CUEDC1: variants seen among roughly 807,000 people sequenced by gnomAD.
The protein encoded by CUEDC1 is CUE domain containing 1, also known as CUE domain-containing protein 1.
CUEDC1 carries 30 observed loss-of-function variants against 43.7 expected under a neutral mutation model. The ratio of observed to expected loss-of-function variants is 0.69; its 90% CI spans 0.51 to 0.93. The LOEUF (loss-of-function observed/expected upper bound fraction) is 0.93, where lower values mean the gene tolerates loss of function less well. Ranked by LOEUF, CUEDC1 falls within the 40% of genes least tolerant of loss-of-function variation. The pLI is 0.00. For synonymous variants in CUEDC1, 223 were observed against 223.6 expected, an observed-to-expected ratio of 1.00 and a Z score of 0.02; for missense variants, 486 against 549.0, an observed-to-expected ratio of 0.89 and a Z score of 1.15.
At chr17:57,923,785 CT>C (rs1202564270) in intron 1 of CUEDC1, among the ~76,000 whole-genome samples, 1 of 152,210 alleles carries the variant, frequency 6.6e-6, no homozygotes, top group Non-Finnish European at 1.5e-5. Flanking sequence ...CAAAACAATA[CT>C]GACTGGACAC....
At chr17:57,929,492 G>A (rs2074782597) in intron 1 of CUEDC1, among the ~76,000 whole-genome samples, 2 of 152,116 alleles carry the variant, frequency 1.3e-5, no homozygotes, top group South Asian at 2.1e-4. Context: ...AAGGAAGGAA[G>A]GATTTTAAAA....
chr17:57,872,546 G>C (rs368920084), intron 5 of CUEDC1, 117 bp downstream of exon 5: 4 of 1,157,076 alleles, frequency 3.5e-6, no homozygotes, highest in East Asian at 5.1e-5. Flanking sequence ...GCCTCAATAG[G>C]ACAGAAAGCA....
chr17:57,900,815 T>G (rs1187054959), intron 1 of CUEDC1, among the ~76,000 whole-genome samples: 1 of 152,240 alleles, frequency 6.6e-6, no homozygotes, highest in Non-Finnish European at 1.5e-5. Flanking sequence ...TAAAGCTGTT[T>G]GCATCTCTGC....
intron 1 of CUEDC1, among the ~76,000 whole-genome samples, chr17:57,923,049 C>T (rs1199455558): frequency 6.6e-6 from 1 of 152,100 alleles, no homozygotes; most frequent in Non-Finnish European, 1.5e-5. Context: ...TGGTCTCAAG[C>T]TCCTGAGCTC....
chr17:57,901,086 G>C (rs1442350774), intron 1 of CUEDC1, among the ~76,000 whole-genome samples: 1 of 152,314 alleles, frequency 6.6e-6, no homozygotes, highest in East Asian at 1.9e-4. Context: ...TAAATTGTGA[G>C]GACCACTCTC....
intron 1 of CUEDC1, among the ~76,000 whole-genome samples, chr17:57,905,249 G>GACACACACACAC (rs761744709): frequency 0.18 from 22,697 of 127,596 alleles, 2,579 homozygotes; most frequent in East Asian, 0.38. Context: ...CTCTCTCTCT[G>GACACACACACAC]ACACACACAC....
At chr17:57,901,696 A>G (rs1476172790) in intron 1 of CUEDC1, among the ~76,000 whole-genome samples, 1 of 152,228 alleles carries the variant, frequency 6.6e-6, no homozygotes, top group Non-Finnish European at 1.5e-5. Flanking sequence ...CAGAATGGGC[A>G]TGAGGGATTG....
rs557817339 is a variant in CUEDC1 at position 57,915,847 on chromosome 17, T to C, written c.-315-29968A>G. On this transcript the variant is annotated intron_variant, in intron 1 of 10. Transcript: ENST00000577830. The stretch of plus-strand genomic sequence containing the variant: ...GGGAGGAGGGGGCCTCAGGGGGCTG[T>C]TATGATAAGCAAGAGCTCAGTCTAA... Among the ~76,000 whole-genome samples, 9 of 152,252 alleles carry C rather than the reference T, an allele frequency of 5.9e-5. No homozygotes were observed. In the East Asian group the frequency reaches 1.7e-3, roughly 29 times the overall value.
chr17:57,926,029 G>A (rs114762964), intron 1 of CUEDC1, among the ~76,000 whole-genome samples: 239 of 152,356 alleles, frequency 1.6e-3, no homozygotes, highest in African/African-American at 5.6e-3. Context: ...TCATCCTAGG[G>A]TCAGGGGCCC....
intron 1 of CUEDC1, among the ~76,000 whole-genome samples, chr17:57,938,797 G>C (rs2074886284): frequency 6.6e-6 from 1 of 151,850 alleles, no homozygotes; most frequent in Admixed American, 6.6e-5. Flanking sequence ...TGAGTAGCTG[G>C]GATTACAGGC....
At chr17:57,939,479 T>C (rs2074895479) in intron 1 of CUEDC1, among the ~76,000 whole-genome samples, 1 of 138,192 alleles carries the variant, frequency 7.2e-6, no homozygotes, top group Non-Finnish European at 1.6e-5. Flanking sequence ...AGGGTCTCAC[T>C]ATGTTGCCCA....
Position 57,882,281 on chromosome 17 carries a change from G to A in CUEDC1, c.337-2543C>T, listed in dbSNP as rs1198949842. Among the ~76,000 whole-genome samples, 4 of 151,440 alleles carry A rather than the reference G, an allele frequency of 2.6e-5. No homozygotes were observed. In the South Asian group the frequency reaches 8.4e-4, roughly 32 times the overall value. Reference sequence around the variant, plus strand: ...TGGCTCAGGAGCTGCCTGCCTATGGGCCCAGGCAGAGTTCCAAAGGTGGGG... The same window carrying A: ...TGGCTCAGGAGCTGCCTGCCTATGGACCCAGGCAGAGTTCCAAAGGTGGGG... On this transcript the variant is annotated intron_variant, in intron 2 of 10. Transcript: ENST00000577830.
chr17:57,880,833 C>CTGACCTCAAG (rs57581123), intron 2 of CUEDC1, among the ~76,000 whole-genome samples: 116,914 of 151,624 alleles, frequency 0.77, 45,311 homozygotes, highest in East Asian at 1. Flanking sequence ...TCTTGAACTC[C>CTGACCTCAAG]TGATCCACCA....
chr17:57,893,052 G>A (rs149433298), intron 1 of CUEDC1, among the ~76,000 whole-genome samples: 3,798 of 152,320 alleles, frequency 0.025, 74 homozygotes, highest in Non-Finnish European at 0.031. Context: ...ATGAGGACAC[G>A]CAGGCCAGGC....
At chr17:57,878,097 C>T (rs1010525731) in intron 3 of CUEDC1, among the ~76,000 whole-genome samples, 1 of 152,204 alleles carries the variant, frequency 6.6e-6, no homozygotes, top group African/African-American at 2.4e-5. Flanking sequence ...TTCCCTCCCT[C>T]CTCCCCTCAG....
Position 57,868,187 on chromosome 17 carries a change from T to G in CUEDC1, c.997A>C (p.Arg333=). The change falls in exon 8 of 11, where the codon AGG becomes CGG. Residue 333 remains arginine (R), a synonymous_variant. Coordinates refer to ENST00000577830, the MANE Select transcript of CUEDC1 (RefSeq NM_001271875.2). ...AACAAGTGTTTCCTCTTTGACTTCC[T>G]CATTTTGGTCTTCTCTGAGAAGGCT... ...ARAFSEKTKM[R]KSKRKHLLKH... The G allele has an allele frequency of 6.2e-7, 1 of 1,614,198 alleles. No homozygotes were observed. Among genetic ancestry groups the G allele is most frequent in the Non-Finnish European group, 8.5e-7 (1 of 1,180,016 alleles).
intron 2 of CUEDC1, among the ~76,000 whole-genome samples, chr17:57,884,137 C>T (rs1008752673): frequency 6.6e-6 from 1 of 151,788 alleles, no homozygotes; most frequent in South Asian, 2.1e-4. Context: ...AGTCTGATTC[C>T]TCACTCCCTT....
At chr17:57,944,948 A>C (rs1030235918) in intron 1 of CUEDC1, among the ~76,000 whole-genome samples, 1 of 152,152 alleles carries the variant, frequency 6.6e-6, no homozygotes, top group African/African-American at 2.4e-5. Context: ...GCCCCATCAG[A>C]GGTGTCAAGG....
intron 1 of CUEDC1, among the ~76,000 whole-genome samples, chr17:57,929,219 C>CA (rs2074779541): frequency 6.6e-6 from 1 of 152,110 alleles, no homozygotes; most frequent in Non-Finnish European, 1.5e-5. Context: ...AAGCTTTACC[C>CA]AAACTTATCT....
Sources: allele counts gnomAD v4.1 joint callset (sites outside exome capture counted in the v4.1 genomes callset), GRCh38; gene constraint gnomAD v4.1.1; transcripts MANE v1.5; gene names NCBI Gene and HGNC (gene_info 2026-07-23, HGNC 2026-07-21).